EYS: variants seen among roughly 807,000 people sequenced by gnomAD.
EYS encodes protein eyes shut homolog.
In EYS, 250 loss-of-function variants were observed where a neutral mutation model predicts 282.1. That is an observed-to-expected ratio of 0.89 (90% CI 0.80 to 0.98). The LOEUF (loss-of-function observed/expected upper bound fraction) is 0.98. Ranked by LOEUF, EYS falls within the 50% of genes least tolerant of loss-of-function variation. EYS has a pLI of 0.00. For missense variants in EYS, 4,016 were observed against 3,709.0 expected, an observed-to-expected ratio of 1.08 and a Z score of -2.15; for synonymous variants, 1,355 against 1,282.9, an observed-to-expected ratio of 1.06 and a Z score of -1.20.
At chr6:65,670,718 T>C (rs1010541430) in intron 1 of EYS, among the ~76,000 whole-genome samples, 1 of 152,086 alleles carries the variant, frequency 6.6e-6, no homozygotes, top group Non-Finnish European at 1.5e-5. Flanking sequence ...CTAATTTCTC[T>C]TCTTTTCCAA....
chr6:65,379,655 T>C (rs1456424343), intron 8 of EYS, among the ~76,000 whole-genome samples: 3 of 151,888 alleles, frequency 2.0e-5, no homozygotes, highest in Non-Finnish European at 4.4e-5. Flanking sequence ...GGTATTCAAA[T>C]AGGAAGAGAG....
intron 19 of EYS, among the ~76,000 whole-genome samples, chr6:64,843,017 C>A (rs916431375): frequency 2.6e-5 from 4 of 152,064 alleles, no homozygotes; most frequent in African/African-American, 7.2e-5. Flanking sequence ...CTCATGGCCA[C>A]CCCTCTCATC....
intron 12 of EYS, among the ~76,000 whole-genome samples, chr6:65,194,170 G>T (rs931319499): frequency 6.6e-6 from 1 of 151,806 alleles, no homozygotes; most frequent in Admixed American, 6.6e-5. Flanking sequence ...TCTTTAAGTT[G>T]AAGATCTCTG....
chr6:64,722,036 T>C (rs1771599300), intron 22 of EYS, among the ~76,000 whole-genome samples: 1 of 152,170 alleles, frequency 6.6e-6, no homozygotes, highest in African/African-American at 2.4e-5. Flanking sequence ...AGCTGAAGTG[T>C]TGTCAACTGG....
At chr6:65,600,931 T>A (rs1340502093) in intron 2 of EYS, among the ~76,000 whole-genome samples, 1 of 151,970 alleles carries the variant, frequency 6.6e-6, no homozygotes, top group Admixed American at 6.6e-5. Context: ...ACAATGATAC[T>A]GGGATTTTAG....
intron 14 of EYS, among the ~76,000 whole-genome samples, chr6:64,962,182 C>A (rs114785282): frequency 0.016 from 2,393 of 152,132 alleles, 65 homozygotes; most frequent in African/African-American, 0.054. Flanking sequence ...TGCTTTCTAG[C>A]CATTAGTTCT....
intron 18 of EYS, among the ~76,000 whole-genome samples, chr6:64,892,216 T>C: frequency 6.6e-6 from 1 of 152,050 alleles, no homozygotes; most frequent in Middle Eastern, 3.5e-3. Flanking sequence ...TCTTATATAC[T>C]TTTTCTTGTA....
At chr6:65,584,688 A>G (rs1185532554) in intron 2 of EYS, among the ~76,000 whole-genome samples, 2 of 151,906 alleles carry the variant, frequency 1.3e-5, no homozygotes, top group Non-Finnish European at 2.9e-5. Context: ...AGTTTATGGC[A>G]TTTATTTATC....
At chr6:64,761,735 G>A (rs774685564) in intron 22 of EYS, among the ~76,000 whole-genome samples, 12 of 152,248 alleles carry the variant, frequency 7.9e-5, no homozygotes, top group African/African-American at 1.9e-4. Context: ...GATTACAGGC[G>A]TGAGCCACCA....
intron 19 of EYS, among the ~76,000 whole-genome samples, chr6:64,831,403 G>T (rs1765211881): frequency 6.6e-6 from 1 of 151,896 alleles, no homozygotes; most frequent in South Asian, 2.1e-4. Context: ...TGTTTGGAAA[G>T]AATTTATTAG....
At chr6:64,529,249 A>T (rs1764237423) in intron 26 of EYS, among the ~76,000 whole-genome samples, 1 of 152,082 alleles carries the variant, frequency 6.6e-6, no homozygotes, top group East Asian at 1.9e-4. Context: ...TAGTTCTCCA[A>T]GTATGCCACA....
intron 36 of EYS, among the ~76,000 whole-genome samples, chr6:63,829,010 A>T (rs1771550852): frequency 6.6e-6 from 1 of 152,236 alleles, no homozygotes. Context: ...GTCATTATTC[A>T]AAAAAGATAC....
At chr6:65,700,114 C>CAAAAAAAAAAAAAAA (rs1178482636) in intron 1 of EYS, among the ~76,000 whole-genome samples, 13 of 51,794 alleles carry the variant, frequency 2.5e-4, no homozygotes, top group African/African-American at 2.9e-4. Flanking sequence ...GACTCCGTCT[C>CAAAAAAAAAAAAAAA]AAAAAAAAAA....
chr6:64,066,264 C>G, intron 33 of EYS, 74 bp downstream of exon 33: 2 of 1,335,254 alleles, frequency 1.5e-6, no homozygotes, highest in Admixed American at 2.3e-5. Context: ...GGTGACAGAG[C>G]AAGACTCCAT....
intron 12 of EYS, among the ~76,000 whole-genome samples, chr6:65,137,677 G>A (rs1164918320): frequency 6.6e-6 from 1 of 152,038 alleles, no homozygotes; most frequent in Admixed American, 6.6e-5. Flanking sequence ...AGAGAAGTAG[G>A]TAGAATCAAT....
intron 13 of EYS, among the ~76,000 whole-genome samples, chr6:65,048,747 T>C (rs181863117): frequency 2.2e-4 from 34 of 151,988 alleles, no homozygotes; most frequent in African/African-American, 7.9e-4. Flanking sequence ...CCTGTTTCCC[T>C]AAAGCAACAA....
At chr6:63,908,012 GTATATATA>G (rs57451331) in intron 35 of EYS, among the ~76,000 whole-genome samples, 5 of 131,152 alleles carry the variant, frequency 3.8e-5, no homozygotes, top group Admixed American at 7.4e-5. Flanking sequence ...ACACACAAAC[GTATATATA>G]TATATATATA....
intron 29 of EYS, among the ~76,000 whole-genome samples, chr6:64,382,591 G>A (rs1772783608): frequency 6.6e-6 from 1 of 152,134 alleles, no homozygotes; most frequent in Admixed American, 6.5e-5. Context: ...AAATAATTAG[G>A]ATGATATAAA....
At chr6:64,381,697 G>GGAAAAT (rs1772752822) in intron 29 of EYS, among the ~76,000 whole-genome samples, 1 of 152,118 alleles carries the variant, frequency 6.6e-6, no homozygotes, top group Non-Finnish European at 1.5e-5. Flanking sequence ...CACCTAAACA[G>GGAAAAT]GAAAATTTTG....
Sources: gnomAD v4.1 joint callset for allele counts (sites outside exome capture counted in the v4.1 genomes callset) on GRCh38, gnomAD v4.1.1 for gene constraint, MANE v1.5 for transcripts, NCBI Gene and HGNC (gene_info 2026-07-23, HGNC 2026-07-21) for gene names.